Variants in MRPL44 observed in about 807,000 individuals in gnomAD.
MRPL44 encodes the protein mitochondrial ribosomal protein L44.
A neutral mutation model predicts 25.9 loss-of-function variants in MRPL44; 21 were observed. That is an observed-to-expected ratio of 0.81 (90% CI 0.58 to 1.17). MRPL44 has a LOEUF of 1.17. MRPL44 is among the 50% of genes most tolerant of loss of function. The pLI is 0.00. For synonymous variants in MRPL44, 169 were observed against 151.0 expected (o/e 1.12, Z -0.87); for missense variants, 410 against 398.9 (o/e 1.03, Z -0.24).
intron 2 of MRPL44, 84 bp from the exon 3 acceptor site, chr2:223,963,667 CTAATT>C (rs1462604924): frequency 3.4e-5 from 28 of 824,274 alleles, no homozygotes; most frequent in Non-Finnish European, 4.5e-5. Context: ...TGTGGCTTCT[CTAATT>C]TAAAAAGTGT....
At chr2:223,951,039 G>T in the MRPL44 span, among the ~76,000 whole-genome samples, 1 of 152,174 alleles carries the variant, frequency 6.6e-6, no homozygotes, top group African/African-American at 2.4e-5. Flanking sequence ...ACCTCCCCCT[G>T]CTCCCCTTCC....
intron 3 of MRPL44, among the ~76,000 whole-genome samples, chr2:223,966,609 G>A (rs562009114): frequency 2.0e-5 from 3 of 152,194 alleles, no homozygotes; most frequent in South Asian, 2.1e-4. Flanking sequence ...ACCTAGATAC[G>A]ACTTGCTTTT....
At chr2:223,964,286 C>T (rs923814222) in intron 3 of MRPL44, among the ~76,000 whole-genome samples, 18 of 152,274 alleles carry the variant, frequency 1.2e-4, no homozygotes, top group African/African-American at 2.9e-4. Context: ...TTAATCCATT[C>T]TTGTCAGTAG....
At chr2:223,962,001 T>C (rs1689666458) in intron 2 of MRPL44, among the ~76,000 whole-genome samples, 1 of 152,224 alleles carries the variant, frequency 6.6e-6, no homozygotes, top group Admixed American at 6.5e-5. Context: ...TCTACCTCTG[T>C]ACATTAAAAC....
intron 1 of MRPL44, 152 bp downstream of exon 1, chr2:223,957,803 A>C: frequency 2.2e-6 from 2 of 912,942 alleles, no homozygotes; most frequent in Non-Finnish European, 1.6e-6. Flanking sequence ...GCGGGGCCTG[A>C]GGCAAAAAAA....
At chr2:223,960,781 T>C (rs912304822) in intron 2 of MRPL44, among the ~76,000 whole-genome samples, 2 of 152,236 alleles carry the variant, frequency 1.3e-5, no homozygotes, top group African/African-American at 4.8e-5. Context: ...GTTTTTTCTA[T>C]AGAAATTCTG....
chr2:223,962,892 G>A (rs1689685798), intron 2 of MRPL44, among the ~76,000 whole-genome samples: 1 of 151,968 alleles, frequency 6.6e-6, no homozygotes, highest in South Asian at 2.1e-4. Context: ...AGTAGTGACA[G>A]GGTTTCACCA....
chr2:223,966,720 A>G (rs566174261), intron 3 of MRPL44, 143 bp from the exon 4 acceptor site: 218 of 614,990 alleles, frequency 3.5e-4, no homozygotes, highest in African/African-American at 3.2e-3. Flanking sequence ...TAAAATCCAA[A>G]AGATGATCTA....
At chr2:223,952,380 T>C in the MRPL44 span, among the ~76,000 whole-genome samples, 2 of 152,204 alleles carry the variant, frequency 1.3e-5, no homozygotes, top group Admixed American at 6.5e-5. Context: ...CACCTAACTC[T>C]TGTGCTCTGG....
At chr2:223,956,579 G>A (rs1473140580), upstream of MRPL44, among the ~76,000 whole-genome samples, 1 of 152,204 alleles carries the variant, frequency 6.6e-6, no homozygotes, top group East Asian at 1.9e-4. Context: ...CTGCACCGAA[G>A]AGGGGGTTTG....
At chr2:223,952,090 T>G in the MRPL44 span, among the ~76,000 whole-genome samples, 1 of 152,304 alleles carries the variant, frequency 6.6e-6, no homozygotes, top group African/African-American at 2.4e-5. Context: ...AGATCCACTT[T>G]ATGTGTACCT....
At chr2:223,959,501 C>T in intron 1 of MRPL44, 33 bp from the exon 2 acceptor site, 2 of 1,512,588 alleles carry the variant, frequency 1.3e-6, no homozygotes, top group Non-Finnish European at 1.8e-6. Flanking sequence ...AGGTTGTTCT[C>T]TTTACCATCT....
chr2:223,959,018 T>C (rs1457619761), intron 1 of MRPL44, among the ~76,000 whole-genome samples: 1 of 152,206 alleles, frequency 6.6e-6, no homozygotes, highest in African/African-American at 2.4e-5. Context: ...TAGACCGAAG[T>C]ACAGTGAAAC....
upstream of MRPL44, among the ~76,000 whole-genome samples, chr2:223,953,928 C>G (rs1226356885): frequency 1.3e-5 from 2 of 152,170 alleles, no homozygotes; most frequent in African/African-American, 4.8e-5. Context: ...TTTTTATAAC[C>G]CTTTAAAATA....
Position 223,967,128 on chromosome 2 carries a change from T to C in MRPL44, c.*94T>C, listed in dbSNP as rs894050845. The C allele has an allele frequency of 7.3e-5, 89 of 1,216,448 alleles. No homozygotes were observed. Among genetic ancestry groups the C allele is most frequent in the South Asian group, 3.3e-4 (19 of 56,828 alleles). The allele number at this position is 1,216,448 out of a possible 1,614,324, so 75.4% of individuals were successfully genotyped here. ...AGACATTTTCACAATTGTGAAGAAA[T>C]AGATGTTTTGTTTCTGTTTTTTACT... On this transcript the variant is annotated 3_prime_UTR_variant, in exon 4 of 4. Transcript: ENST00000258383.
Position 223,963,802 on chromosome 2 carries a change from G to A in MRPL44, c.695G>A (p.Trp232Ter), listed in dbSNP as rs759469808. ...QMTGKELFEM[W>*]KIINPMGLLV... ...ACTGGAAAAGAGCTCTTTGAGATGT[G>A]GAAGATAATAAATCCCATGGGGCTA... The change falls in exon 3 of 4, where the codon TGG (tryptophan) becomes TAG (stop). Residue 232 changes from tryptophan (W) to a stop codon, truncating the protein, a stop_gained. Transcript: ENST00000258383. LOFTEE classifies it high-confidence loss of function. 1.2e-6 allele frequency: 2 copies of A among 1,612,858 alleles called. No individual in the cohort carries two copies. The highest frequency in any genetic ancestry group is 1.7e-5 in the Admixed American group (1 of 59,856).
chr2:223,965,465 T>G (rs1689726169), intron 3 of MRPL44, among the ~76,000 whole-genome samples: 1 of 152,250 alleles, frequency 6.6e-6, no homozygotes, highest in Non-Finnish European at 1.5e-5. Context: ...TCTGATTTAG[T>G]AAATGCAGTT....
chr2:223,953,374 C>T (rs1345011738), upstream of MRPL44, among the ~76,000 whole-genome samples: 1 of 152,068 alleles, frequency 6.6e-6, no homozygotes, highest in Admixed American at 6.6e-5. Flanking sequence ...ACCTCATGAT[C>T]CGCCTGCCTC....
chr2:223,966,662 GTATCTTTGTC>G (rs1236387870), intron 3 of MRPL44, among the ~76,000 whole-genome samples, 191 bp from the exon 4 acceptor site: 1 of 152,190 alleles, frequency 6.6e-6, no homozygotes, highest in South Asian at 2.1e-4. Context: ...AAACGTAAGT[GTATCTTTGTC>G]TAATTACCAT....
Sources: allele counts gnomAD v4.1 joint callset (sites outside exome capture counted in the v4.1 genomes callset), GRCh38; gene constraint gnomAD v4.1.1; transcripts MANE v1.5; gene names NCBI Gene and HGNC (gene_info 2026-07-23, HGNC 2026-07-21).